The following NRG3 variants were observed in gnomAD, a reference collection of about 807,000 sequenced individuals.
NRG3 encodes the protein neuregulin 3, also known as pro-neuregulin-3, membrane-bound isoform.
A neutral mutation model predicts 66.9 loss-of-function variants in NRG3; 31 were observed. That is an observed-to-expected ratio of 0.46 (90% CI 0.35 to 0.63). NRG3 has a LOEUF of 0.63. NRG3 is among the 20% of genes least tolerant of loss of function. NRG3 has a pLI of 0.00. For missense variants in NRG3, 910 were observed against 878.9 expected (o/e 1.04, Z -0.45); for synonymous variants, 393 against 359.4 (o/e 1.09, Z -1.06).
intron 1 of NRG3, among the ~76,000 whole-genome samples, chr10:82,125,291 T>C (rs1418941317): frequency 6.6e-6 from 1 of 151,896 alleles, no homozygotes; most frequent in Non-Finnish European, 1.5e-5. Flanking sequence ...AAAAGTAGTT[T>C]CCTGAGGTAG....
rs141380437 is a variant in NRG3 at position 82,835,395 on chromosome 10, G to A, written c.1028-30016G>A. ...CCCTTTCCATTTCTTTCAAACTTCC[G>A]TATTAAAAATGCAAGATTTACATTA... On this transcript the variant is annotated intron_variant, in intron 3 of 8. Coordinates refer to ENST00000372141, the MANE Select transcript of NRG3 (RefSeq NM_001010848.4). Among the ~76,000 whole-genome samples the A allele has an allele frequency of 2.4e-3, 371 of 152,046 alleles. 4 individuals carry two copies. Among genetic ancestry groups the A allele is most frequent in the African/African-American group, 8.2e-3 (340 of 41,478 alleles).
chr10:82,613,241 A>G (rs898695809), intron 2 of NRG3, among the ~76,000 whole-genome samples: 1 of 152,144 alleles, frequency 6.6e-6, no homozygotes, highest in Non-Finnish European at 1.5e-5. Context: ...TGCAATGGCA[A>G]TACATATATT....
At chr10:82,843,263 G>T (rs1223059332) in intron 3 of NRG3, 1 of 454,642 alleles carries the variant, frequency 2.2e-6, no homozygotes, top group South Asian at 1.6e-5. Flanking sequence ...TATGTCATGA[G>T]GGTTACACCC....
chr10:82,396,129 T>G (rs747677765), intron 2 of NRG3, among the ~76,000 whole-genome samples: 12 of 152,170 alleles, frequency 7.9e-5, no homozygotes, highest in African/African-American at 1.2e-4. Flanking sequence ...CTGGATGAGT[T>G]TCCAATATCT....
chr10:82,970,040 A>G (rs992224443), intron 6 of NRG3, among the ~76,000 whole-genome samples: 3 of 151,572 alleles, frequency 2.0e-5, no homozygotes, highest in Admixed American at 1.3e-4. Flanking sequence ...GGACATTTCT[A>G]TTGTTTTGAG....
rs374787073 is a variant in NRG3, at chr10:82,696,159, G to A, written c.954-42418G>A. On this transcript the variant is annotated intron_variant, in intron 2 of 8. Transcript: ENST00000372141. ...TGAGACACCTTCCCAGAATGTCCCA[G>A]CAAGACTATTATTAATTTTTAAACA... Among the ~76,000 whole-genome samples the A allele has an allele frequency of 3.9e-5, 6 of 152,216 alleles. No homozygotes were observed. In the East Asian group the frequency reaches 9.7e-4, roughly 24 times the overall value.
In NRG3 at chr10:82,404,355, G is replaced by C. The variant is rs148193918; in HGVS notation, c.953+45487G>C. 5.3e-3 allele frequency among the ~76,000 whole-genome samples: 810 copies of C among 152,184 alleles called. 7 individuals are homozygous for C. The highest frequency in any genetic ancestry group is 0.019 in the African/African-American group (788 of 41,516). On this transcript the variant is annotated intron_variant, in intron 2 of 8. Coordinates refer to ENST00000372141, the MANE Select transcript of NRG3 (RefSeq NM_001010848.4). ...CCTGGGTAGGATGCAGCTGTTCAGG[G>C]GCTAGTGTCTGCTGGGACTATGAGG... is the stretch of plus-strand genomic sequence containing the variant.
At chr10:82,574,647 A>G (rs983675030) in intron 2 of NRG3, among the ~76,000 whole-genome samples, 2 of 151,822 alleles carry the variant, frequency 1.3e-5, no homozygotes, top group Admixed American at 6.6e-5. Context: ...CAAGTACCTC[A>G]TAAATGTTTA....
At chr10:82,425,387 A>G (rs983442407) in intron 2 of NRG3, among the ~76,000 whole-genome samples, 2 of 105,668 alleles carry the variant, frequency 1.9e-5, no homozygotes, top group South Asian at 7.4e-4. Context: ...TTTATTTGTA[A>G]TGCTATTTTA....
At chr10:81,941,097 A>G (rs1848366027) in intron 1 of NRG3, among the ~76,000 whole-genome samples, 1 of 152,182 alleles carries the variant, frequency 6.6e-6, no homozygotes, top group Non-Finnish European at 1.5e-5. Flanking sequence ...AAAGATATAC[A>G]ATGCCAAATT....
At chr10:82,537,493 T>G (rs1009269664) in intron 2 of NRG3, among the ~76,000 whole-genome samples, 4 of 152,140 alleles carry the variant, frequency 2.6e-5, no homozygotes, top group African/African-American at 9.7e-5. Context: ...TGGCCTTGCC[T>G]TGCACCTTTA....
intron 1 of NRG3, among the ~76,000 whole-genome samples, chr10:82,238,909 A>C (rs2076874125): frequency 1.1e-5 from 1 of 89,406 alleles, no homozygotes. Flanking sequence ...TTTAGGTTAT[A>C]CCGTATATAT....
At chr10:82,130,176 A>G (rs1167124033) in intron 1 of NRG3, among the ~76,000 whole-genome samples, 3 of 150,734 alleles carry the variant, frequency 2.0e-5, no homozygotes, top group Non-Finnish European at 4.4e-5. Flanking sequence ...ATATTCTTTT[A>G]TTCTATCAAT....
At chr10:82,095,184 G>A (rs180934549) in intron 1 of NRG3, among the ~76,000 whole-genome samples, 2 of 152,218 alleles carry the variant, frequency 1.3e-5, no homozygotes, top group Non-Finnish European at 2.9e-5. Context: ...GTTTCTGTAA[G>A]GAGACTGAGC....
chr10:82,479,568 G>T (rs1349567986), intron 2 of NRG3, among the ~76,000 whole-genome samples: 10 of 150,130 alleles, frequency 6.7e-5, no homozygotes, highest in Non-Finnish European at 8.9e-5. Flanking sequence ...GGAGTCTGAG[G>T]CAGGAGAATC....
At chr10:82,965,781 A>C (rs989152744) in intron 6 of NRG3, among the ~76,000 whole-genome samples, 4 of 152,072 alleles carry the variant, frequency 2.6e-5, no homozygotes, top group African/African-American at 9.7e-5. Context: ...TAAAATGTCC[A>C]AAAGCTATGA....
chr10:82,412,122 T>C lies in NRG3; in HGVS notation c.953+53254T>C, dbSNP rs991325402. On this transcript the variant is annotated intron_variant, in intron 2 of 8. Coordinates refer to ENST00000372141, the MANE Select transcript of NRG3 (RefSeq NM_001010848.4). ...TCAGTAGTTGTGTCTTAATGTGTTA[T>C]AGTAAGAAAAAAAACTAACACATCA... Among the ~76,000 whole-genome samples the C allele has an allele frequency of 2.2e-4, 33 of 152,236 alleles. No individual in the cohort carries two copies. In the South Asian group the frequency reaches 3.7e-3, roughly 17 times the overall value.
At chr10:82,434,853 T>G (rs1374662320) in intron 2 of NRG3, among the ~76,000 whole-genome samples, 1 of 152,182 alleles carries the variant, frequency 6.6e-6, no homozygotes, top group Non-Finnish European at 1.5e-5. Context: ...TTCCCATATT[T>G]TATTGAGAAT....
chr10:82,388,810 G>A (rs1384563904), intron 2 of NRG3, among the ~76,000 whole-genome samples: 1 of 152,198 alleles, frequency 6.6e-6, no homozygotes, highest in Non-Finnish European at 1.5e-5. Flanking sequence ...GGGCTTGAGT[G>A]TCTGAGCTGT....
Sources: gnomAD v4.1 joint callset for allele counts (sites outside exome capture counted in the v4.1 genomes callset) on GRCh38, gnomAD v4.1.1 for gene constraint, MANE v1.5 for transcripts, NCBI Gene and HGNC (gene_info 2026-07-23, HGNC 2026-07-21) for gene names.